The following LEPR variants were observed in gnomAD, a reference collection of about 807,000 sequenced individuals.
LEPR encodes OB receptor.
Under a neutral mutation model 114.7 loss-of-function variants are expected in LEPR, and 56 were observed. The ratio of observed to expected loss-of-function variants is 0.49; its 90% CI spans 0.39 to 0.61. The LOEUF (loss-of-function observed/expected upper bound fraction) is 0.61, where lower values mean the gene tolerates loss of function less well. Among genes scored for constraint, LEPR ranks in the 20% least tolerant of loss-of-function variants. The pLI, the probability that LEPR is intolerant of heterozygous loss-of-function variation, is 0.00. For missense variants in LEPR, 1,202 were observed against 1,352.9 expected (o/e 0.89, Z 1.75); for synonymous variants, 443 against 461.4 (o/e 0.96, Z 0.51).
At chr1:65,534,419 G>A (rs1650613868) in intron 2 of LEPR, among the ~76,000 whole-genome samples, 1 of 152,134 alleles carries the variant, frequency 6.6e-6, no homozygotes, top group Admixed American at 6.6e-5. Context: ...TATATTGTGA[G>A]CATCTTGAAT....
chr1:65,634,082 C>T lies in LEPR; in HGVS notation c.2674-2109C>T, dbSNP rs146805288. The T allele has an allele frequency of 2.0e-4, 197 of 985,222 alleles. 2 individuals carry two copies. In the East Asian group the frequency reaches 0.018, roughly 91 times the overall value. The allele number at this position is 985,222 out of a possible 1,614,324, so 61.0% of individuals were successfully genotyped here. ...TTTTATGAATAGTTCATGGTGAGGA[C>T]AGAACTTTTCTACTTTCAGACAGAC... On this transcript the variant is annotated intron_variant, in intron 19 of 19. Transcript: ENST00000349533.
intron 2 of LEPR, chr1:65,432,044 T>C: frequency 7.2e-7 from 1 of 1,398,044 alleles, no homozygotes; most frequent in Non-Finnish European, 9.3e-7. Context: ...ATATATCATG[T>C]TCACTTTAAG....
At chr1:65,626,046 G>T in intron 19 of LEPR, 1 of 1,344,126 alleles carries the variant, frequency 7.4e-7, no homozygotes, top group Non-Finnish European at 1.0e-6. Context: ...CAGTGTTCAG[G>T]AGGGCCATGA....
chr1:65,551,281 G>A (rs946477643), intron 2 of LEPR, among the ~76,000 whole-genome samples: 1 of 152,098 alleles, frequency 6.6e-6, no homozygotes, highest in African/African-American at 2.4e-5. Context: ...AATAATTTCA[G>A]AAGGAATGGT....
chr1:65,529,114 A>C (rs909267582), intron 2 of LEPR, among the ~76,000 whole-genome samples: 1 of 151,980 alleles, frequency 6.6e-6, no homozygotes, highest in Admixed American at 6.6e-5. Context: ...TGCCTGGCCC[A>C]AAAAAAGTTT....
At chr1:65,466,273 T>C (rs1464158888) in intron 2 of LEPR, among the ~76,000 whole-genome samples, 1 of 152,184 alleles carries the variant, frequency 6.6e-6, no homozygotes, top group African/African-American at 2.4e-5. Context: ...TTATTTCTCC[T>C]TCACTTAGGA....
chr1:65,495,113 C>T (rs1648084792), intron 2 of LEPR, among the ~76,000 whole-genome samples: 1 of 152,024 alleles, frequency 6.6e-6, no homozygotes, highest in Non-Finnish European at 1.5e-5. Flanking sequence ...ACAATCAACA[C>T]AGTGAAGAGA....
Position 65,488,230 on chromosome 1 carries a change from T to TC in LEPR, c.-21+62852_-21+62853insC, listed in dbSNP as rs1557620391. Among the ~76,000 whole-genome samples, 12 of 49,474 alleles carry TC rather than the reference T, an allele frequency of 2.4e-4. 1 individual carries two copies. Among genetic ancestry groups the TC allele is most frequent in the Non-Finnish European group, 2.8e-4 (8 of 28,488 alleles). The allele number at this position is 49,474 out of a possible 152,430, so 32.5% of individuals were successfully genotyped here. A position where few individuals can be genotyped will look rare whatever the true frequency, so the allele number is the denominator to read the frequency against. On this transcript the variant is annotated intron_variant, in intron 2 of 19. Transcript: ENST00000349533. Reference sequence around the variant, plus strand: ...TTTCTTTCTCTCTCTCTCTCTCTCTTTCTTTCTTTCTTTCTTTCTTTCTTT... The same window carrying TC: ...TTTCTTTCTCTCTCTCTCTCTCTCTTCTCTTTCTTTCTTTCTTTCTTTCTTT...
intron 2 of LEPR, among the ~76,000 whole-genome samples, chr1:65,428,393 T>C (rs773393679): frequency 6.6e-6 from 1 of 152,208 alleles, no homozygotes; most frequent in Non-Finnish European, 1.5e-5. Flanking sequence ...TTCCCCTCTC[T>C]GTGTCTCCTT....
At chr1:65,473,616 A>AT (rs1647117942) in intron 2 of LEPR, among the ~76,000 whole-genome samples, 1 of 152,216 alleles carries the variant, frequency 6.6e-6, no homozygotes, top group South Asian at 2.1e-4. Context: ...TTCAACATTC[A>AT]TTAGCTGTCA....
At position 65,575,826 on chromosome 1, in the gene LEPR, T is replaced by A. The variant is rs558177547; in HGVS notation, c.494+3377T>A. Among the ~76,000 whole-genome samples the A allele has an allele frequency of 1.1e-4, 17 of 151,588 alleles. 2 individuals carry two copies. The highest frequency in any genetic ancestry group is 4.2e-4 in the African/African-American group (17 of 40,872). On this transcript the variant is annotated intron_variant, in intron 5 of 19. Transcript: ENST00000349533. ...TGAAACTCTAGAGTTAAAATTATATTCTGATTTCCTTCTATAAGCAAGAAA... is the reference window on the plus strand; with the variant it reads ...TGAAACTCTAGAGTTAAAATTATATACTGATTTCCTTCTATAAGCAAGAAA...
At chr1:65,590,658 A>G (rs1570765047) in intron 5 of LEPR, among the ~76,000 whole-genome samples, 1 of 152,086 alleles carries the variant, frequency 6.6e-6, no homozygotes, top group East Asian at 1.9e-4. Context: ...CTGTGAATCA[A>G]TTAAACCTCT....
intron 2 of LEPR, among the ~76,000 whole-genome samples, chr1:65,486,695 C>T (rs1647502915): frequency 6.6e-6 from 1 of 152,062 alleles, no homozygotes; most frequent in Non-Finnish European, 1.5e-5. Context: ...CTGAAAGTTC[C>T]AACACTAAGG....
At chr1:65,448,199 T>C (rs1283301075) in intron 2 of LEPR, among the ~76,000 whole-genome samples, 2 of 152,222 alleles carry the variant, frequency 1.3e-5, no homozygotes, top group Non-Finnish European at 1.5e-5. Context: ...ATCCACTCCA[T>C]TCCTAGTTTA....
At chr1:65,572,847 T>C (rs1285349287) in intron 5 of LEPR, among the ~76,000 whole-genome samples, 1 of 152,230 alleles carries the variant, frequency 6.6e-6, no homozygotes, top group African/African-American at 2.4e-5. Context: ...TTAGCAGCTC[T>C]CTTAGCAGCA....
chr1:65,488,198 TTCTTTCTTTCTTTCTCTCTCTCTCTC>T (rs1647635752), intron 2 of LEPR, among the ~76,000 whole-genome samples: 3 of 24,622 alleles, frequency 1.2e-4, no homozygotes, highest in Admixed American at 4.7e-4. Flanking sequence ...CTTTCTTTCT[TTCTTTCTTTCTTTCTCTCTCTCTCTC>T]TCTCTTTCTT....
At chr1:65,630,696 T>G (rs78457230) in intron 19 of LEPR, among the ~76,000 whole-genome samples, 1 of 149,544 alleles carries the variant, frequency 6.7e-6, no homozygotes, top group Non-Finnish European at 1.5e-5. Flanking sequence ...TTTCTTTGTT[T>G]TGTGTGTGTG....
chr1:65,486,687 G>C (rs1455714797), intron 2 of LEPR, among the ~76,000 whole-genome samples: 1 of 152,158 alleles, frequency 6.6e-6, no homozygotes, highest in Non-Finnish European at 1.5e-5. Context: ...GAGATGAGCT[G>C]AAAGTTCCAA....
intron 2 of LEPR, chr1:65,433,143 C>T (rs1646511346): frequency 2.0e-6 from 2 of 985,334 alleles, no homozygotes; most frequent in South Asian, 4.7e-5. Context: ...TGATCTGGCA[C>T]TTCTCCCCAG....
Sources: gnomAD v4.1 joint callset for allele counts (sites outside exome capture counted in the v4.1 genomes callset) on GRCh38, gnomAD v4.1.1 for gene constraint, MANE v1.5 for transcripts, NCBI Gene and HGNC (gene_info 2026-07-23, HGNC 2026-07-21) for gene names.